Variants in BCAS3 observed in about 807,000 individuals in gnomAD.
The protein encoded by BCAS3 is BCAS3 microtubule associated cell migration factor, also known as BCAS4/BCAS3 fusion.
BCAS3 carries 53 observed loss-of-function variants against 116.1 expected under a neutral mutation model. That is an observed-to-expected ratio of 0.46 (90% CI 0.37 to 0.57). The LOEUF (loss-of-function observed/expected upper bound fraction) is 0.57. Ranked by LOEUF, BCAS3 falls within the 20% of genes least tolerant of loss-of-function variation. The pLI is 0.00. For synonymous variants in BCAS3, 391 were observed against 408.2 expected, an observed-to-expected ratio of 0.96 and a Z score of 0.51; for missense variants, 917 against 1,165.4, an observed-to-expected ratio of 0.79 and a Z score of 3.10.
chr17:60,790,663 T>C (rs888299911), intron 6 of BCAS3, among the ~76,000 whole-genome samples: 8 of 152,074 alleles, frequency 5.3e-5, no homozygotes, highest in African/African-American at 1.4e-4. Flanking sequence ...TTAAAAGATA[T>C]AGGCACTGAT....
At chr17:60,865,887 T>C (rs1331131101) in intron 7 of BCAS3, among the ~76,000 whole-genome samples, 5 of 152,034 alleles carry the variant, frequency 3.3e-5, no homozygotes, top group African/African-American at 1.2e-4. Flanking sequence ...TTTTTATAGG[T>C]GCACTTTATA....
intron 22 of BCAS3, among the ~76,000 whole-genome samples, chr17:61,099,071 C>T (rs1332312210): frequency 2.0e-5 from 3 of 152,134 alleles, no homozygotes; most frequent in Admixed American, 6.5e-5. Flanking sequence ...TCACAGTGAG[C>T]TGAGATCGCA....
intron 21 of BCAS3, among the ~76,000 whole-genome samples, chr17:61,081,035 G>A (rs1258342638): frequency 6.6e-6 from 1 of 152,188 alleles, no homozygotes; most frequent in Admixed American, 6.5e-5. Flanking sequence ...AGGACCTGAA[G>A]CCATGATCAG....
intron 15 of BCAS3, among the ~76,000 whole-genome samples, chr17:61,005,073 CAG>C (rs1426780391): frequency 3.9e-5 from 6 of 152,050 alleles, no homozygotes; most frequent in African/African-American, 1.2e-4. Context: ...TTCGGCTTGA[CAG>C]GGAATTACAG....
Position 61,233,144 on chromosome 17 carries a change from T to G in BCAS3, c.2426-135183T>G, listed in dbSNP as rs2082792466. 6.6e-6 allele frequency among the ~76,000 whole-genome samples: 1 copy of G among 152,208 alleles called. No individual in the cohort carries two copies. The highest frequency in any genetic ancestry group is 2.4e-5 in the African/African-American group (1 of 41,462). On this transcript the variant is annotated intron_variant, in intron 22 of 23. Transcript: ENST00000407086. The surrounding 1 kb of genome is among the most constrained non-coding windows in gnomAD (Gnocchi z 4.3). ...CTTAAAAAGGGGCTAAAAATACTTC[T>G]TTTTTAAAAAACTCCTCTCCATATT...
In BCAS3 at chr17:61,258,101, A is replaced by G. The variant is rs781226466; in HGVS notation, c.2426-110226A>G. On this transcript the variant is annotated intron_variant, in intron 22 of 23. Coordinates refer to ENST00000407086, the MANE Select transcript of BCAS3 (RefSeq NM_017679.5). The surrounding 1 kb of genome is among the most constrained non-coding windows in gnomAD (Gnocchi z 4.7). ...CATACACTCCTGGTTAACCACCTAC[A>G]GGATTTCTACTCACCTTTCAAGGTT... Among the ~76,000 whole-genome samples the G allele has an allele frequency of 1.1e-4, 17 of 151,996 alleles. No individual in the cohort carries two copies. The highest frequency in any genetic ancestry group is 8.5e-4 in the Admixed American group (13 of 15,278).
chr17:61,064,782 T>C, intron 19 of BCAS3, among the ~76,000 whole-genome samples: 1 of 152,192 alleles, frequency 6.6e-6, no homozygotes, highest in South Asian at 2.1e-4. Flanking sequence ...CTTTAATAAT[T>C]AATTAGAGAA....
At chr17:61,321,761 C>T (rs747147329) in intron 22 of BCAS3, among the ~76,000 whole-genome samples, 1 of 152,130 alleles carries the variant, frequency 6.6e-6, no homozygotes, top group Non-Finnish European at 1.5e-5. Context: ...GCTCTCCAAT[C>T]TGGCCATGCT....
chr17:60,777,258 C>T (rs377375019), intron 6 of BCAS3, among the ~76,000 whole-genome samples: 116 of 152,206 alleles, frequency 7.6e-4, no homozygotes, highest in African/African-American at 2.1e-3. Flanking sequence ...AAAGCTTTGC[C>T]ACTACTGTTA....
Position 61,244,673 on chromosome 17 carries a change from C to G in BCAS3, c.2426-123654C>G, listed in dbSNP as rs895569357. Among the ~76,000 whole-genome samples the G allele has an allele frequency of 6.6e-6, 1 of 152,100 alleles. No homozygotes were observed. Among genetic ancestry groups the G allele is most frequent in the African/African-American group, 2.4e-5 (1 of 41,426 alleles). Reference sequence around the variant, plus strand: ...GGTCAGGAGATCGAGACCATCCTGGCTAACACGGTGAAACTTCATCTCTAC... The same window carrying G: ...GGTCAGGAGATCGAGACCATCCTGGGTAACACGGTGAAACTTCATCTCTAC... On this transcript the variant is annotated intron_variant, in intron 22 of 23. Coordinates refer to ENST00000407086, the MANE Select transcript of BCAS3 (RefSeq NM_017679.5). The surrounding 1 kb of genome is among the most constrained non-coding windows in gnomAD (Gnocchi z 4.9).
At chr17:60,936,113 G>T (rs1393444417) in intron 13 of BCAS3, among the ~76,000 whole-genome samples, 2 of 150,912 alleles carry the variant, frequency 1.3e-5, no homozygotes, top group African/African-American at 2.5e-5. Flanking sequence ...GCAGTGTTTG[G>T]TTTTTTGTCC....
At position 61,309,277 on chromosome 17, in the gene BCAS3, G is replaced by A. The variant is rs900289517; in HGVS notation, c.2426-59050G>A. ...ATTGTCAAGATGGAAAAGAGACCCAGAGTCCCCTTTCGTCCTCCCCATTCA... is the reference window on the plus strand; with the variant it reads ...ATTGTCAAGATGGAAAAGAGACCCAAAGTCCCCTTTCGTCCTCCCCATTCA... On this transcript the variant is annotated intron_variant, in intron 22 of 23. Transcript: ENST00000407086. This position sits in a 1 kb window ranked among gnomAD's most constrained non-coding sequence, Gnocchi z 4.6. Among the ~76,000 whole-genome samples, 1 of 152,188 alleles carries A rather than the reference G, an allele frequency of 6.6e-6. No individual in the cohort carries two copies. Among genetic ancestry groups the A allele is most frequent in the African/African-American group, 2.4e-5 (1 of 41,452 alleles).
chr17:60,828,097 A>G (rs1598989951), intron 7 of BCAS3, among the ~76,000 whole-genome samples: 1 of 152,242 alleles, frequency 6.6e-6, no homozygotes, highest in Middle Eastern at 3.4e-3. Context: ...TTTGGCTGAT[A>G]TTGCTATACT....
chr17:61,254,638 G>A (rs139625985), intron 22 of BCAS3, among the ~76,000 whole-genome samples: 1,738 of 151,884 alleles, frequency 0.011, 31 homozygotes, highest in African/African-American at 0.04. Flanking sequence ...TTAGCTGGGC[G>A]TGGTGGTGGG....
At chr17:61,158,747 T>C (rs946179893) in intron 22 of BCAS3, among the ~76,000 whole-genome samples, 14 of 152,162 alleles carry the variant, frequency 9.2e-5, no homozygotes, top group African/African-American at 3.4e-4. Flanking sequence ...TTCGATTTCA[T>C]TGGAAAGCCA....
chr17:61,328,807 G>A (rs768913988), intron 22 of BCAS3, among the ~76,000 whole-genome samples: 1 of 151,710 alleles, frequency 6.6e-6, no homozygotes, highest in Non-Finnish European at 1.5e-5. Flanking sequence ...CACATCTGGT[G>A]TGTGCTGAGG....
Position 61,198,317 on chromosome 17 carries a change from T to C in BCAS3, c.2425+113753T>C, listed in dbSNP as rs1364435844. On this transcript the variant is annotated intron_variant, in intron 22 of 23. Transcript: ENST00000407086. This position sits in a 1 kb window ranked among gnomAD's most constrained non-coding sequence, Gnocchi z 5.0. ...CACCACACCCAGCTAATTTTTTGCA[T>C]TTTTAGTAGAGATGGGGTTTCACCG... 6.6e-6 allele frequency among the ~76,000 whole-genome samples: 1 copy of C among 152,052 alleles called. No individual in the cohort carries two copies. Among genetic ancestry groups the C allele is most frequent in the Non-Finnish European group, 1.5e-5 (1 of 68,018 alleles).
chr17:60,972,811 G>A (rs141854507), intron 14 of BCAS3, among the ~76,000 whole-genome samples: 104 of 151,994 alleles, frequency 6.8e-4, no homozygotes, highest in African/African-American at 2.2e-3. Flanking sequence ...TACATGGCTG[G>A]GAATGTTTCT....
At chr17:61,317,465 C>A (rs549857426) in intron 22 of BCAS3, among the ~76,000 whole-genome samples, 1 of 152,184 alleles carries the variant, frequency 6.6e-6, no homozygotes, top group East Asian at 1.9e-4. Context: ...TGAGTCAAGC[C>A]GGGAGAACCA....
Sources: gnomAD v4.1 joint callset for allele counts (sites outside exome capture counted in the v4.1 genomes callset) on GRCh38, gnomAD v4.1.1 for gene constraint, Gnocchi (gnomAD v3.1) non-coding constraint, MANE v1.5 for transcripts, NCBI Gene and HGNC (gene_info 2026-07-23, HGNC 2026-07-21) for gene names.